Variants in TMC2 observed in about 807,000 individuals in gnomAD.
TMC2 encodes the protein transmembrane channel like 2, also known as transmembrane channel-like protein 2.
A neutral mutation model predicts 105.9 loss-of-function variants in TMC2; 102 were observed. The observed-to-expected ratio is 0.96, with a 90% CI of 0.82 to 1.14. The LOEUF is 1.14. Among genes scored for constraint, TMC2 ranks in the 50% most tolerant of loss-of-function variants. The probability of loss-of-function intolerance (pLI) is 0.00; values close to 1 mark genes in which losing one functional copy is unlikely to be tolerated. For synonymous variants in TMC2, 402 were observed against 422.8 expected (o/e 0.95, Z 0.60); for missense variants, 1,093 against 1,134.3 (o/e 0.96, Z 0.52).
At chr20:2,563,188 G>C (rs2086040008) in intron 4 of TMC2, among the ~76,000 whole-genome samples, 1 of 152,070 alleles carries the variant, frequency 6.6e-6, no homozygotes, top group Admixed American at 6.5e-5. Context: ...ATTAAGCACA[G>C]CAATTTGGCA....
intron 10 of TMC2, among the ~76,000 whole-genome samples, chr20:2,600,617 T>C (rs2086343273): frequency 6.6e-6 from 1 of 151,666 alleles, no homozygotes; most frequent in Non-Finnish European, 1.5e-5. Flanking sequence ...GGTCAAGAGA[T>C]CGAGACCATC....
At chr20:2,548,681 C>T (rs1293067586) in intron 2 of TMC2, among the ~76,000 whole-genome samples, 1 of 151,810 alleles carries the variant, frequency 6.6e-6, no homozygotes, top group Non-Finnish European at 1.5e-5. Context: ...AGTTAGGCAT[C>T]TAATCAATAT....
intron 17 of TMC2, among the ~76,000 whole-genome samples, chr20:2,633,177 A>G (rs979839757): frequency 6.6e-6 from 1 of 152,182 alleles, no homozygotes; most frequent in Non-Finnish European, 1.5e-5. Flanking sequence ...GTATTTCCCA[A>G]CAGGCTCTGT....
At chr20:2,554,385 A>G (rs2085974152) in intron 2 of TMC2, among the ~76,000 whole-genome samples, 1 of 152,278 alleles carries the variant, frequency 6.6e-6, no homozygotes, top group South Asian at 2.1e-4. Context: ...CAATCTTTTC[A>G]AAGAACCTCT....
chr20:2,537,400 A>C, intron 2 of TMC2, 84 bp downstream of exon 2: 1 of 1,124,714 alleles, frequency 8.9e-7, no homozygotes, highest in Non-Finnish European at 1.3e-6. Context: ...CACCCATCCA[A>C]CATTCTCCTT....
intron 7 of TMC2, among the ~76,000 whole-genome samples, chr20:2,582,512 A>G (rs372985063): frequency 6.6e-6 from 1 of 152,166 alleles, no homozygotes; most frequent in African/African-American, 2.4e-5. Context: ...GCCTCATTCT[A>G]TCTCCTGGGT....
At chr20:2,604,626 T>G (rs1335054601) in intron 11 of TMC2, among the ~76,000 whole-genome samples, 1 of 152,174 alleles carries the variant, frequency 6.6e-6, no homozygotes, top group East Asian at 1.9e-4. Context: ...AGCTCCTGGA[T>G]AACCTCTGCA....
intron 17 of TMC2, among the ~76,000 whole-genome samples, chr20:2,635,168 G>C: frequency 6.6e-6 from 1 of 152,298 alleles, no homozygotes; most frequent in East Asian, 1.9e-4. Context: ...CCAGACCTTA[G>C]GACCTGTGAA....
At chr20:2,557,892 T>A (rs982246294) in intron 2 of TMC2, among the ~76,000 whole-genome samples, 1 of 152,190 alleles carries the variant, frequency 6.6e-6, no homozygotes, top group African/African-American at 2.4e-5. Context: ...GGAGAAGAGA[T>A]TTCTTTCCTT....
At chr20:2,597,049 G>A (rs2086313145) in intron 9 of TMC2, 102 bp from the exon 10 acceptor site, 2 of 1,320,598 alleles carry the variant, frequency 1.5e-6, no homozygotes, top group Non-Finnish European at 1.0e-6. Flanking sequence ...TCAGCTACCT[G>A]TTTATCTGTT....
intron 18 of TMC2, among the ~76,000 whole-genome samples, chr20:2,636,995 C>T (rs572504652): frequency 2.0e-5 from 3 of 152,318 alleles, no homozygotes; most frequent in Admixed American, 1.3e-4. Flanking sequence ...TGTCCTCTGG[C>T]CACATGTTCC....
intron 17 of TMC2, among the ~76,000 whole-genome samples, chr20:2,630,073 C>CAT (rs968334522): frequency 2.8e-4 from 42 of 152,256 alleles, no homozygotes; most frequent in Admixed American, 9.8e-4. Flanking sequence ...AACACCTAAT[C>CAT]AGTAAGACTT....
intron 14 of TMC2, among the ~76,000 whole-genome samples, chr20:2,615,462 A>T (rs1337199349): frequency 6.6e-6 from 1 of 151,928 alleles, no homozygotes; most frequent in Non-Finnish European, 1.5e-5. Context: ...CTTTATCTCC[A>T]TTTCTGGAAG....
chr20:2,591,566 G>A (rs1298477492), intron 7 of TMC2, among the ~76,000 whole-genome samples: 8 of 152,008 alleles, frequency 5.3e-5, no homozygotes, highest in Admixed American at 3.3e-4. Context: ...TTAGCTGGGC[G>A]TGGGGGTACA....
At position 2,612,756 on chromosome 20, in the gene TMC2, T is replaced by C. The variant is rs988483856; in HGVS notation, c.1743+416T>C. ...AGCAGAAGATGAAAAAAGCTAGGCA[T>C]TGTCTCCAGTGACTGACGGTCACAT... On this transcript the variant is annotated intron_variant, in intron 13 of 19. Coordinates refer to ENST00000358864, the MANE Select transcript of TMC2 (RefSeq NM_080751.3). Among the ~76,000 whole-genome samples, 4 of 152,236 alleles carry C rather than the reference T, an allele frequency of 2.6e-5. No homozygotes were observed. The South Asian group carries it at 8.3e-4, about 32-fold the overall frequency.
chr20:2,635,680 T>A (rs2086636957), intron 17 of TMC2, among the ~76,000 whole-genome samples: 1 of 152,166 alleles, frequency 6.6e-6, no homozygotes, highest in Admixed American at 6.5e-5. Context: ...GGATGATTCC[T>A]CCAGCCAACC....
At chr20:2,625,645 A>C (rs974809355) in intron 17 of TMC2, among the ~76,000 whole-genome samples, 2 of 152,212 alleles carry the variant, frequency 1.3e-5, no homozygotes, top group Non-Finnish European at 2.9e-5. Flanking sequence ...ATTCCTCTGC[A>C]TAGGGATAGT....
chr20:2,557,203 C>T (rs1394615437), intron 2 of TMC2, among the ~76,000 whole-genome samples: 2 of 152,156 alleles, frequency 1.3e-5, no homozygotes, highest in African/African-American at 2.4e-5. Context: ...TCTGGCATTC[C>T]CATTACACAT....
In TMC2 at chr20:2,594,928, T is replaced by C; in HGVS notation, c.1037T>C (p.Val346Ala). The change falls in exon 9 of 20, where the codon GTC becomes GCC. Residue 346 changes from valine to alanine, a missense_variant. By Grantham distance (64) the Val-to-Ala change is moderately conservative (BLOSUM62 0). Transcript: ENST00000358864. ...CCTATGGCTTACTTTATGGTGGGGGTCAGCGTGTTCGGCTACAGCCTGATT... is the reference window on the plus strand; with the variant it reads ...CCTATGGCTTACTTTATGGTGGGGGCCAGCGTGTTCGGCTACAGCCTGATT... ...RLPMAYFMVGVSVFGYSLIIV... is the reference protein window; with the variant it reads ...RLPMAYFMVGASVFGYSLIIV... 1.2e-6 allele frequency: 2 copies of C among 1,613,916 alleles called. No homozygotes were observed. Among genetic ancestry groups the C allele is most frequent in the South Asian group, 2.2e-5 (2 of 91,056 alleles).
Sources: gnomAD v4.1 joint callset for allele counts (sites outside exome capture counted in the v4.1 genomes callset) on GRCh38, gnomAD v4.1.1 for gene constraint, MANE v1.5 for transcripts, NCBI Gene and HGNC (gene_info 2026-07-23, HGNC 2026-07-21) for gene names.